Variants in SMLR1 observed in about 807,000 individuals in gnomAD.
SMLR1 encodes the protein small leucine rich protein 1.
A neutral mutation model predicts 6.1 loss-of-function variants in SMLR1; 3 were observed. That is an observed-to-expected ratio of 0.49 (90% CI 0.22 to 1.28). The LOEUF (loss-of-function observed/expected upper bound fraction) is 1.28, where lower values mean the gene tolerates loss of function less well. SMLR1 is among the 50% of genes most tolerant of loss of function. SMLR1 has a pLI of 0.19. For synonymous variants in SMLR1, 55 were observed against 53.6 expected, an observed-to-expected ratio of 1.03 and a Z score of -0.11; for missense variants, 126 against 124.8, an observed-to-expected ratio of 1.01 and a Z score of -0.05.
intron 1 of SMLR1, among the ~76,000 whole-genome samples, chr6:130,830,995 C>T (rs1182772277): frequency 6.6e-6 from 1 of 152,218 alleles, no homozygotes; most frequent in Non-Finnish European, 1.5e-5. Context: ...TATTCCTTTA[C>T]TTTCTTAATA....
chr6:130,827,747 G>A lies in SMLR1; in HGVS notation c.238+96G>A, dbSNP rs1239442197. On this transcript the variant is annotated intron_variant, in intron 1 of 1. Coordinates refer to ENST00000541421, the MANE Select transcript of SMLR1 (RefSeq NM_001195597.2). ...CACTGTCAGTGTTTTCTGGCCAGGA[G>A]AAACATATATATATATATTTTGTAG... 3.6e-6 allele frequency: 3 copies of A among 841,980 alleles called. No homozygotes were observed. In the East Asian group the frequency reaches 8.4e-5, roughly 24 times the overall value. The allele number at this position is 841,980 out of a possible 1,614,324, so 52.2% of individuals were successfully genotyped here. A position where few individuals can be genotyped will look rare whatever the true frequency, so the allele number is the denominator to read the frequency against.
intron 1 of SMLR1, 100 bp downstream of exon 1, chr6:130,827,751 C>CAT (rs113795427): frequency 0.27 from 196,728 of 715,992 alleles, 19,193 homozygotes; most frequent in African/African-American, 0.48. Flanking sequence ...CCAGGAGAAA[C>CAT]ATATATATAT....
chr6:130,834,547 G>A (rs1295835174), intron 1 of SMLR1, among the ~76,000 whole-genome samples: 1 of 152,120 alleles, frequency 6.6e-6, no homozygotes, highest in African/African-American at 2.4e-5. Flanking sequence ...GGATGAGCAG[G>A]GGCAGACACT....
In SMLR1 at chr6:130,835,253, ATATT is replaced by A. The variant is rs764163776; in HGVS notation, c.*301_*304del. On this transcript the variant is annotated 3_prime_UTR_variant, in exon 2 of 2. Coordinates refer to ENST00000541421, the MANE Select transcript of SMLR1 (RefSeq NM_001195597.2). ...TGTGACTGTGTCTGCTCTAAACGGC[ATATT>A]TAAAAAATAAAATTCTGCAGCATCT... 12 of 249,866 alleles carry A rather than the reference ATATT, an allele frequency of 4.8e-5. No individual in the cohort carries two copies. The highest frequency in any genetic ancestry group is 8.6e-5 in the Non-Finnish European group (11 of 127,478). 15.5% of individuals were successfully genotyped at this position (249,866 alleles called of 1,614,324 possible).
rs990934864 is a variant in SMLR1, at chr6:130,834,763, G to A, written c.239-107G>A. The A allele has an allele frequency of 6.2e-5, 55 of 882,678 alleles. No individual in the cohort carries two copies. In the Admixed American group the frequency reaches 6.7e-4, roughly 11 times the overall value. 54.7% of individuals were successfully genotyped at this position (882,678 alleles called of 1,614,324 possible). ...TGGAAGACCTGGACTTCTGTGACTCGCCAAGGCCACCAGTGTCAGATATGC... is the reference window on the plus strand; with the variant it reads ...TGGAAGACCTGGACTTCTGTGACTCACCAAGGCCACCAGTGTCAGATATGC... On this transcript the variant is annotated intron_variant, in intron 1 of 1. Transcript: ENST00000541421.
chr6:130,832,777 C>T lies in SMLR1; in HGVS notation c.239-2093C>T, dbSNP rs2236076. 2.0e-5 allele frequency among the ~76,000 whole-genome samples: 3 copies of T among 152,166 alleles called. No homozygotes were observed. The East Asian group carries it at 5.8e-4, about 29-fold the overall frequency. ...TCCAGAGATAGCCCCTCTTCACCGA[C>T]GCACCACCTCTGGAGTATCGAGTCC... On this transcript the variant is annotated intron_variant, in intron 1 of 1. Transcript: ENST00000541421.
Position 130,837,110 on chromosome 6 carries a change from A to G in SMLR1, c.*2155A>G, listed in dbSNP as rs578094334. ...ATGTTTCTCCAACTGGAGACCTTCA[A>G]TAAAACACTTCAATAGGTGCTTTAA... On this transcript the variant is annotated 3_prime_UTR_variant, in exon 2 of 2. Coordinates refer to ENST00000541421, the MANE Select transcript of SMLR1 (RefSeq NM_001195597.2). The G allele has an allele frequency of 3.9e-5, 6 of 152,160 alleles. No homozygotes were observed. Among genetic ancestry groups the G allele is most frequent in the African/African-American group, 9.7e-5 (4 of 41,446 alleles). The allele number at this position is 152,160 out of a possible 1,614,324, so 9.4% of individuals were successfully genotyped here.
chr6:130,833,513 A>G (rs1774535592), intron 1 of SMLR1, among the ~76,000 whole-genome samples: 1 of 152,168 alleles, frequency 6.6e-6, no homozygotes, highest in Non-Finnish European at 1.5e-5. Context: ...AATCTACGGA[A>G]AGTCAGTGTG....
chr6:130,836,814 C>T lies in SMLR1; in HGVS notation c.*1859C>T, dbSNP rs1774684719. ...CAGCTTTACCAAGCAGCTGCACAGTCAGGCCTTTGCACTTCTCATTCTCAT... is the reference window on the plus strand; with the variant it reads ...CAGCTTTACCAAGCAGCTGCACAGTTAGGCCTTTGCACTTCTCATTCTCAT... On this transcript the variant is annotated 3_prime_UTR_variant, in exon 2 of 2. Transcript: ENST00000541421. The T allele has an allele frequency of 6.6e-6, 1 of 152,252 alleles. No homozygotes were observed. Among genetic ancestry groups the T allele is most frequent in the South Asian group, 2.1e-4 (1 of 4,830 alleles). 9.4% of individuals were successfully genotyped at this position (152,252 alleles called of 1,614,324 possible). A position where few individuals can be genotyped will look rare whatever the true frequency, so the allele number is the denominator to read the frequency against.
chr6:130,827,642 C>A lies in SMLR1; in HGVS notation c.229C>A (p.Leu77Met). ...CCTCATCGCCTACTTCAGGATCAAA[C>A]TGATTGAGGGTAAGTGTGAGGCCAC... Reference protein sequence around the residue: ...LLLIAYFRIKLIEVNEELSQN... With the variant: ...LLLIAYFRIKMIEVNEELSQN... The change falls in exon 1 of 2, where the codon CTG becomes ATG. Residue 77 changes from leucine (L) to methionine (M), a missense_variant. Physicochemically the swap from Leu to Met is conservative, Grantham distance 15. Coordinates refer to ENST00000541421, the MANE Select transcript of SMLR1 (RefSeq NM_001195597.2). 1 of 1,535,858 alleles carries A rather than the reference C, an allele frequency of 6.5e-7. No homozygotes were observed. Among genetic ancestry groups the A allele is most frequent in the Non-Finnish European group, 8.7e-7 (1 of 1,146,716 alleles).
At chr6:130,834,715 T>C (rs182675898) in intron 1 of SMLR1, among the ~76,000 whole-genome samples, 155 bp from the exon 2 acceptor site, 10 of 152,176 alleles carry the variant, frequency 6.6e-5, no homozygotes, top group Admixed American at 6.6e-4. Flanking sequence ...GAGATAAGGA[T>C]CGATCCTGTA....
intron 1 of SMLR1, among the ~76,000 whole-genome samples, chr6:130,830,790 C>T (rs6920331): frequency 0.028 from 4,331 of 152,242 alleles, 207 homozygotes; most frequent in African/African-American, 0.099. Flanking sequence ...CCTCTGGTCG[C>T]CCTTACTGCT....
At chr6:130,832,248 T>C (rs1774482052) in intron 1 of SMLR1, among the ~76,000 whole-genome samples, 1 of 152,124 alleles carries the variant, frequency 6.6e-6, no homozygotes, top group Non-Finnish European at 1.5e-5. Flanking sequence ...ATGACAAACA[T>C]GGCCAAAAAT....
chr6:130,828,344 G>A (rs1774341246), intron 1 of SMLR1, among the ~76,000 whole-genome samples: 1 of 152,138 alleles, frequency 6.6e-6, no homozygotes, highest in African/African-American at 2.4e-5. Context: ...TAACTAGATA[G>A]ACTATGTGTT....
At chr6:130,828,331 C>T (rs1181413883) in intron 1 of SMLR1, among the ~76,000 whole-genome samples, 1 of 152,102 alleles carries the variant, frequency 6.6e-6, no homozygotes, top group Non-Finnish European at 1.5e-5. Flanking sequence ...TGAAACTGGG[C>T]TGTAACTAGA....
chr6:130,833,529 G>C (rs1774536130), intron 1 of SMLR1, among the ~76,000 whole-genome samples: 1 of 152,160 alleles, frequency 6.6e-6, no homozygotes, highest in African/African-American at 2.4e-5. Context: ...GTGTGACTCA[G>C]TAGCTGAAAC....
chr6:130,833,838 T>C (rs1227029592), intron 1 of SMLR1, among the ~76,000 whole-genome samples: 3 of 152,114 alleles, frequency 2.0e-5, no homozygotes, highest in African/African-American at 7.2e-5. Flanking sequence ...ATGATAAGCA[T>C]TTGTGTAGGC....
rs1774610814 is a variant in SMLR1 at position 130,835,101 on chromosome 6, T to C, written c.*146T>C. 1.5e-6 allele frequency: 1 copy of C among 667,742 alleles called. No individual in the cohort carries two copies. Among genetic ancestry groups the C allele is most frequent in the Admixed American group, 2.7e-5 (1 of 36,490 alleles). 41.4% of individuals were successfully genotyped at this position (667,742 alleles called of 1,614,324 possible). A position where few individuals can be genotyped will look rare whatever the true frequency, so the allele number is the denominator to read the frequency against. ...CTAAGATACTCATTCTGAACCATAC[T>C]GAAAAGTGGCAGCTATTATCTAAGG... is the stretch of plus-strand genomic sequence containing the variant. On this transcript the variant is annotated 3_prime_UTR_variant, in exon 2 of 2. Coordinates refer to ENST00000541421, the MANE Select transcript of SMLR1 (RefSeq NM_001195597.2).
chr6:130,831,412 C>T (rs572763108), intron 1 of SMLR1, among the ~76,000 whole-genome samples: 6 of 152,156 alleles, frequency 3.9e-5, no homozygotes, highest in African/African-American at 7.2e-5. Context: ...TGGATATTTT[C>T]GTTTTTAGGT....
Sources: gnomAD v4.1 joint callset for allele counts (sites outside exome capture counted in the v4.1 genomes callset) on GRCh38, gnomAD v4.1.1 for gene constraint, MANE v1.5 for transcripts, NCBI Gene and HGNC (gene_info 2026-07-23, HGNC 2026-07-21) for gene names.